POSTN: variants seen among roughly 807,000 people sequenced by gnomAD.
The protein encoded by POSTN is periostin.
POSTN carries 71 observed loss-of-function variants against 104.5 expected under a neutral mutation model. The observed-to-expected ratio is 0.68, with a 90% CI of 0.56 to 0.83. The LOEUF (loss-of-function observed/expected upper bound fraction) is 0.83. Among genes scored for constraint, POSTN ranks in the 40% least tolerant of loss-of-function variants. The pLI, the probability that POSTN is intolerant of heterozygous loss-of-function variation, is 0.00. For synonymous variants in POSTN, 355 were observed against 340.7 expected (o/e 1.04, Z -0.46); for missense variants, 949 against 1,006.8 (o/e 0.94, Z 0.78).
intron 15 of POSTN, among the ~76,000 whole-genome samples, chr13:37,578,568 C>T (rs557239225): frequency 7.2e-5 from 11 of 152,024 alleles, no homozygotes; most frequent in South Asian, 6.2e-4. Flanking sequence ...GAGGCTGAGG[C>T]GGGTGGATCA....
Position 37,564,547 on chromosome 13 carries a change from C to T in POSTN, c.2445G>A (p.Arg815=). ...KRLLQGDTPV[R]KLQANKKVQG... is the part of the protein sequence containing the mutation. ...GAACTTTTTTGTTGGCTTGCAACTTCCTCACGGGTGTGTCTAAAATTAAAT... is the reference window on the plus strand; with the variant it reads ...GAACTTTTTTGTTGGCTTGCAACTTTCTCACGGGTGTGTCTAAAATTAAAT... The change falls in exon 22 of 23, where the codon AGG becomes AGA. Residue 815 remains arginine (R), a synonymous_variant. Transcript: ENST00000379747. The T allele has an allele frequency of 6.2e-7, 1 of 1,600,442 alleles. No individual in the cohort carries two copies. The highest frequency in any genetic ancestry group is 8.5e-7 in the Non-Finnish European group (1 of 1,169,738).
chr13:37,585,993 C>A, intron 7 of POSTN, 146 bp downstream of exon 7: 1 of 604,030 alleles, frequency 1.7e-6, no homozygotes, highest in Non-Finnish European at 2.7e-6. Context: ...CTTTTAAGGA[C>A]TTTTGGAAGA....
intron 4 of POSTN, 96 bp from the exon 5 acceptor site, chr13:37,588,082 T>C: frequency 2.0e-6 from 2 of 992,014 alleles, no homozygotes; most frequent in Non-Finnish European, 1.5e-6. Flanking sequence ...TATTTTCTCA[T>C]TTCATTATCA....
chr13:37,585,137 A>C (rs1950707600), intron 7 of POSTN, among the ~76,000 whole-genome samples: 1 of 152,234 alleles, frequency 6.6e-6, no homozygotes, highest in African/African-American at 2.4e-5. Flanking sequence ...AGGAATAATA[A>C]GAGGAGATCA....
Position 37,597,177 on chromosome 13 carries a change from GACTT to G in POSTN, c.218+3_218+6del. On this transcript the variant is annotated splice_donor_5th_base_variant and intron_variant, in intron 2 of 22. Coordinates refer to ENST00000379747, the MANE Select transcript of POSTN (RefSeq NM_006475.3). The stretch of plus-strand genomic sequence containing the variant: ...CTGACATATTATGAAAAAAAAAAGA[GACTT>G]ACGTTTTCTGTCCACAGATGGACTT... The G allele has an allele frequency of 1.3e-6, 2 of 1,523,078 alleles. No homozygotes were observed. The highest frequency in any genetic ancestry group is 1.8e-6 in the Non-Finnish European group (2 of 1,134,680). 94.3% of individuals were successfully genotyped at this position (1,523,078 alleles called of 1,614,324 possible).
Position 37,590,278 on chromosome 13 carries a change from T to C in POSTN, c.441+94A>G, listed in dbSNP as rs76634451. Reference sequence around the variant, plus strand: ...CTCATATATGTACAATAGAAAGATATAAAATTTCTACTAATATCCAAGTTA... The same window carrying C: ...CTCATATATGTACAATAGAAAGATACAAAATTTCTACTAATATCCAAGTTA... On this transcript the variant is annotated intron_variant, in intron 4 of 22. Coordinates refer to ENST00000379747, the MANE Select transcript of POSTN (RefSeq NM_006475.3). 2.1e-3 allele frequency: 2,112 copies of C among 1,026,142 alleles called. 17 individuals are homozygous for C. In the African/African-American group the frequency reaches 0.022, roughly 10 times the overall value. The allele number at this position is 1,026,142 out of a possible 1,614,324, so 63.6% of individuals were successfully genotyped here. A position where few individuals can be genotyped will look rare whatever the true frequency, so the allele number is the denominator to read the frequency against.
intron 21 of POSTN, among the ~76,000 whole-genome samples, chr13:37,565,651 C>A (rs932681378): frequency 6.6e-6 from 1 of 151,986 alleles, no homozygotes; most frequent in East Asian, 1.9e-4. Context: ...TCTTTCCCCC[C>A]AGAATATAAG....
chr13:37,586,971 C>T (rs768075912), intron 5 of POSTN, 43 bp from the exon 6 acceptor site: 3 of 1,588,878 alleles, frequency 1.9e-6, no homozygotes, highest in Admixed American at 3.5e-5. Context: ...ACCAGAGATA[C>T]CCATTGACCA....
intron 4 of POSTN, 40 bp from the exon 5 acceptor site, chr13:37,588,026 G>C: frequency 6.8e-7 from 1 of 1,480,436 alleles, no homozygotes; most frequent in Non-Finnish European, 9.3e-7. Flanking sequence ...ATTTATTGTG[G>C]AACATTAGTA....
At chr13:37,570,868 G>A (rs1056824694) in intron 18 of POSTN, 199 bp from the exon 19 acceptor site, 3 of 466,946 alleles carry the variant, frequency 6.4e-6, no homozygotes, top group Non-Finnish European at 1.2e-5. Flanking sequence ...CTGAATCTTG[G>A]TTGAGAGAGA....
chr13:37,598,599 C>G lies in POSTN; in HGVS notation c.119+9G>C, dbSNP rs538954107. ...AAAAATGGTTTATAAAACCAAACCA[C>G]TCACTTACCCTTGGTCCCGACCCCT... is the stretch of plus-strand genomic sequence containing the variant. On this transcript the variant is annotated intron_variant, in intron 1 of 22. Coordinates refer to ENST00000379747, the MANE Select transcript of POSTN (RefSeq NM_006475.3). 1.2e-6 allele frequency: 2 copies of G among 1,603,466 alleles called. No individual in the cohort carries two copies. Among genetic ancestry groups the G allele is most frequent in the Non-Finnish European group, 1.7e-6 (2 of 1,173,220 alleles).
intron 19 of POSTN, 129 bp from the exon 20 acceptor site, chr13:37,569,950 T>C: frequency 1.6e-6 from 1 of 643,900 alleles, no homozygotes; most frequent in Admixed American, 2.6e-5. Flanking sequence ...CTCTGATACT[T>C]CAGTGTGAAA....
chr13:37,592,227 A>G (rs1331209912), intron 2 of POSTN, 63 bp from the exon 3 acceptor site: 1 of 1,008,590 alleles, frequency 9.9e-7, no homozygotes, highest in East Asian at 2.6e-5. Context: ...TTTTACATAA[A>G]TTTGACAAAA....
At chr13:37,563,614 T>G (rs1949994007) in intron 22 of POSTN, among the ~76,000 whole-genome samples, 1 of 152,134 alleles carries the variant, frequency 6.6e-6, no homozygotes, top group Admixed American at 6.5e-5. Context: ...AATTTGGATA[T>G]TTACATAGAT....
At chr13:37,567,656 C>T (rs1399803145) in intron 21 of POSTN, among the ~76,000 whole-genome samples, 1 of 151,920 alleles carries the variant, frequency 6.6e-6, no homozygotes, top group African/African-American at 2.4e-5. Flanking sequence ...ATTGTGAAAA[C>T]CGATGCCTTA....
At chr13:37,597,304 A>C in intron 1 of POSTN, 22 bp from the exon 2 acceptor site, 1 of 1,502,982 alleles carries the variant, frequency 6.7e-7, no homozygotes, top group Non-Finnish European at 9.0e-7. Flanking sequence ...AGGGAAAGGA[A>C]AAAAGTTAAT....
In POSTN at chr13:37,569,299, C is replaced by T. The variant is rs1463348529; in HGVS notation, c.2431+1G>A. On this transcript the variant is annotated splice_donor_variant, in intron 21 of 22. Transcript: ENST00000379747. LOFTEE classifies it high-confidence loss of function. ...GGGTTAGTTGTTGTCCTTTTACTAA[C>T]CTCCCTGAAGCAGTCTTTTAATTTC... is the stretch of plus-strand genomic sequence containing the variant. 8 of 1,608,440 alleles carry T rather than the reference C, an allele frequency of 5.0e-6. No individual in the cohort carries two copies. In the African/African-American group the frequency reaches 6.7e-5, roughly 13 times the overall value.
chr13:37,580,263 G>A (rs1213602219), intron 11 of POSTN, among the ~76,000 whole-genome samples: 2 of 152,084 alleles, frequency 1.3e-5, no homozygotes, highest in South Asian at 2.1e-4. Context: ...TTTTTATCAT[G>A]TAATACTCTA....
At chr13:37,591,234 T>G (rs1950922147) in intron 3 of POSTN, among the ~76,000 whole-genome samples, 1 of 152,162 alleles carries the variant, frequency 6.6e-6, no homozygotes, top group Non-Finnish European at 1.5e-5. Context: ...AGGTTCCATG[T>G]AATTCCTATG....
Sources: gnomAD v4.1 joint callset for allele counts (sites outside exome capture counted in the v4.1 genomes callset) on GRCh38, gnomAD v4.1.1 for gene constraint, MANE v1.5 for transcripts, NCBI Gene and HGNC (gene_info 2026-07-23, HGNC 2026-07-21) for gene names.